The following CIT variants were observed in gnomAD, a reference collection of about 807,000 sequenced individuals.
CIT encodes the protein citron Rho-interacting kinase.
In CIT, 79 loss-of-function variants were observed where a neutral mutation model predicts 272.7. That is an observed-to-expected ratio of 0.29 (90% CI 0.24 to 0.35). The LOEUF (loss-of-function observed/expected upper bound fraction) is 0.35. Among genes scored for constraint, CIT ranks in the 10% least tolerant of loss-of-function variants. CIT has a pLI of 1.00. For synonymous variants in CIT, 948 were observed against 995.6 expected, an observed-to-expected ratio of 0.95 and a Z score of 0.90; for missense variants, 1,909 against 2,618.3, an observed-to-expected ratio of 0.73 and a Z score of 5.91.
intron 24 of CIT, 92 bp downstream of exon 24, chr12:119,742,319 C>G: frequency 2.3e-6 from 2 of 887,638 alleles, no homozygotes; most frequent in Non-Finnish European, 3.3e-6. Context: ...CGTATCAAAA[C>G]TCAGTCACCA....
At position 119,784,855 on chromosome 12, in the gene CIT, G is replaced by A. The variant is rs1964627639; in HGVS notation, c.1401+105C>T. 2.0e-6 allele frequency: 3 copies of A among 1,506,964 alleles called. No homozygotes were observed. The highest frequency in any genetic ancestry group is 1.8e-6 in the Non-Finnish European group (2 of 1,128,316). The allele number at this position is 1,506,964 out of a possible 1,614,324, so 93.3% of individuals were successfully genotyped here. A position where few individuals can be genotyped will look rare whatever the true frequency, so the allele number is the denominator to read the frequency against. ...AAGGCAGGAGCGCCTCACTCTCTAC[G>A]GATCAGGCGGCTCAGAGCCAGCAGC... On this transcript the variant is annotated intron_variant, in intron 11 of 47. Coordinates refer to ENST00000392521, the MANE Select transcript of CIT (RefSeq NM_001206999.2). The surrounding 1 kb of genome is among the most constrained non-coding windows in gnomAD (Gnocchi z 4.7).
At chr12:119,699,962 A>G (rs1459306087) in intron 44 of CIT, 1 of 453,736 alleles carries the variant, frequency 2.2e-6, no homozygotes, top group African/African-American at 2.0e-5. Context: ...TTCCACTTTT[A>G]GGAGCTTATA....
intron 5 of CIT, among the ~76,000 whole-genome samples, chr12:119,848,391 G>A (rs1426344159): frequency 6.6e-6 from 1 of 152,152 alleles, no homozygotes; most frequent in Non-Finnish European, 1.5e-5. Context: ...TCTCTTACGT[G>A]AGCCTGTTTA....
At chr12:119,846,758 C>A (rs1468330) in intron 5 of CIT, among the ~76,000 whole-genome samples, 120,678 of 151,932 alleles carry the variant, frequency 0.79, 48,197 homozygotes, top group East Asian at 0.96. Flanking sequence ...TTTAAAAATT[C>A]GCTAGGCATG....
chr12:119,828,085 A>AT (rs1258590794), intron 7 of CIT, among the ~76,000 whole-genome samples: 6 of 152,172 alleles, frequency 3.9e-5, no homozygotes, highest in African/African-American at 1.4e-4. Flanking sequence ...TTTCAAACTA[A>AT]TGATAAGACT....
intron 7 of CIT, among the ~76,000 whole-genome samples, chr12:119,832,041 G>A (rs1224370520): frequency 6.6e-6 from 1 of 152,124 alleles, no homozygotes; most frequent in African/African-American, 2.4e-5. Flanking sequence ...AGTTCCCAAG[G>A]ATTTGTCTAG....
chr12:119,741,426 T>G (rs1959052721), intron 24 of CIT, among the ~76,000 whole-genome samples: 1 of 152,228 alleles, frequency 6.6e-6, no homozygotes, highest in Admixed American at 6.5e-5. Context: ...GGTTACCCAG[T>G]TGTCTATCTG....
In CIT at chr12:119,697,865, C is replaced by G; in HGVS notation, c.5703-27G>C. ...TGCAGAGTCCCAGAGTTCCAGTTAC[C>G]TTCATTGCAGGCTACCTCCATTGCT... On this transcript the variant is annotated intron_variant, in intron 45 of 47. Coordinates refer to ENST00000392521, the MANE Select transcript of CIT (RefSeq NM_001206999.2). This position sits in a 1 kb window ranked among gnomAD's most constrained non-coding sequence, Gnocchi z 4.9. The G allele has an allele frequency of 6.2e-7, 1 of 1,613,574 alleles. No individual in the cohort carries two copies. Among genetic ancestry groups the G allele is most frequent in the East Asian group, 2.2e-5 (1 of 44,868 alleles).
rs768416644 is a variant in CIT at position 119,772,941 on chromosome 12, G to A, written c.1942-31C>T. ...AAGAGAGAAGGAAAAGGAGATAGGT[G>A]GGCAAATTTATTCATATAAAAAGAT... is the stretch of plus-strand genomic sequence containing the variant. On this transcript the variant is annotated intron_variant, in intron 16 of 47. Coordinates refer to ENST00000392521, the MANE Select transcript of CIT (RefSeq NM_001206999.2). 6 of 1,591,206 alleles carry A rather than the reference G, an allele frequency of 3.8e-6. 1 individual carries two copies. The African/African-American group carries it at 6.8e-5, about 18-fold the overall frequency.
In CIT at chr12:119,740,476, G is replaced by A. The variant is rs143444291; in HGVS notation, c.2958+1935C>T. 8.1e-3 allele frequency among the ~76,000 whole-genome samples: 1,230 copies of A among 152,056 alleles called. 40 individuals carry two copies. Among genetic ancestry groups the A allele is most frequent in the Admixed American group, 0.066 (1,001 of 15,276 alleles). ...ATTTTGATTGTTTTGCTGTTTCACAGTTACACACACATTTTAAAACGCATC... is the reference window on the plus strand; with the variant it reads ...ATTTTGATTGTTTTGCTGTTTCACAATTACACACACATTTTAAAACGCATC... On this transcript the variant is annotated intron_variant, in intron 24 of 47. Coordinates refer to ENST00000392521, the MANE Select transcript of CIT (RefSeq NM_001206999.2).
intron 5 of CIT, among the ~76,000 whole-genome samples, chr12:119,843,631 G>A (rs1194853415): frequency 3.3e-5 from 5 of 152,028 alleles, no homozygotes; most frequent in African/African-American, 1.2e-4. Flanking sequence ...TTAACATAGT[G>A]AAACCCCGTC....
rs1046224908 is a variant in CIT at position 119,804,773 on chromosome 12, G to C, written c.1112-1384C>G. Reference sequence around the variant, plus strand: ...GAGAGGAGATGAAGCCAGAGGTCTGGCTGTTCCTGAGAAGTACAAAAGAAC... The same window carrying C: ...GAGAGGAGATGAAGCCAGAGGTCTGCCTGTTCCTGAGAAGTACAAAAGAAC... On this transcript the variant is annotated intron_variant, in intron 9 of 47. Coordinates refer to ENST00000392521, the MANE Select transcript of CIT (RefSeq NM_001206999.2). The surrounding 1 kb of genome is among the most constrained non-coding windows in gnomAD (Gnocchi z 5.3). 6.6e-6 allele frequency among the ~76,000 whole-genome samples: 1 copy of C among 152,202 alleles called. No homozygotes were observed. The highest frequency in any genetic ancestry group is 2.4e-5 in the African/African-American group (1 of 41,442).
chr12:119,759,177 G>A (rs1183847810), intron 20 of CIT, among the ~76,000 whole-genome samples: 1 of 152,176 alleles, frequency 6.6e-6, no homozygotes, highest in Non-Finnish European at 1.5e-5. Context: ...CCCCATTACC[G>A]GTCTGCCACC....
chr12:119,844,710 A>G (rs1447086816), intron 5 of CIT, among the ~76,000 whole-genome samples: 1 of 152,210 alleles, frequency 6.6e-6, no homozygotes, highest in Non-Finnish European at 1.5e-5. Context: ...AAATATTAAT[A>G]ATTACAAAAT....
At position 119,712,313 on chromosome 12, in the gene CIT, C is replaced by T. The variant is rs754214404; in HGVS notation, c.4719G>A (p.Pro1573=). ...VPYILKMESH[P]HTTCWPGRTL... ...TTCTCCCGGGCCAGCAGGTGGTGTG[C>T]GGGTGAGATTCCATCTTCAGTATGT... The change falls in exon 37 of 48, where the codon CCG becomes CCA. Residue 1573 remains proline (P), a synonymous_variant. Coordinates refer to ENST00000392521, the MANE Select transcript of CIT (RefSeq NM_001206999.2). This position sits in a 1 kb window ranked among gnomAD's most constrained non-coding sequence, Gnocchi z 5.2. 10 of 1,613,456 alleles carry T rather than the reference C, an allele frequency of 6.2e-6. No homozygotes were observed. Among genetic ancestry groups the T allele is most frequent in the Non-Finnish European group, 8.5e-6 (10 of 1,179,688 alleles).
At chr12:119,778,615 A>C (rs1183799602) in intron 13 of CIT, among the ~76,000 whole-genome samples, 1 of 151,992 alleles carries the variant, frequency 6.6e-6, no homozygotes, top group Non-Finnish European at 1.5e-5. Context: ...TATAAAGGAA[A>C]CCTTTTATCC....
At chr12:119,691,515 C>G (rs1267612326) in intron 46 of CIT, among the ~76,000 whole-genome samples, 1 of 152,112 alleles carries the variant, frequency 6.6e-6, no homozygotes, top group Non-Finnish European at 1.5e-5. Context: ...ATAAGACGAC[C>G]GAGAGGTGTA....
intron 9 of CIT, among the ~76,000 whole-genome samples, chr12:119,817,172 A>G (rs563270532): frequency 1.3e-5 from 2 of 152,172 alleles, no homozygotes; most frequent in Non-Finnish European, 2.9e-5. Flanking sequence ...TATGTGGGGA[A>G]GAGATCACCA....
intron 10 of CIT, among the ~76,000 whole-genome samples, chr12:119,787,814 G>A (rs1027150651): frequency 2.0e-5 from 3 of 148,822 alleles, no homozygotes; most frequent in Non-Finnish European, 3.0e-5. Flanking sequence ...TGACATCTCC[G>A]AACCTCAGTT....
Sources: gnomAD v4.1 joint callset for allele counts (sites outside exome capture counted in the v4.1 genomes callset) on GRCh38, gnomAD v4.1.1 for gene constraint, Gnocchi (gnomAD v3.1) non-coding constraint, MANE v1.5 for transcripts, NCBI Gene and HGNC (gene_info 2026-07-23, HGNC 2026-07-21) for gene names.